Variants in CENPW observed in about 807,000 individuals in gnomAD.
CENPW encodes centromere protein W, also known as cancer-up-regulated gene 2 protein.
CENPW carries 3 observed loss-of-function variants against 11.1 expected under a neutral mutation model. The ratio of observed to expected loss-of-function variants is 0.27; its 90% CI spans 0.12 to 0.70. CENPW has a LOEUF of 0.70. Among genes scored for constraint, CENPW ranks in the 30% least tolerant of loss-of-function variants. The pLI is 0.77. For synonymous variants in CENPW, 38 were observed against 42.0 expected, an observed-to-expected ratio of 0.91 and a Z score of 0.37; for missense variants, 100 against 105.6, an observed-to-expected ratio of 0.95 and a Z score of 0.23.
the CENPW span, among the ~76,000 whole-genome samples, chr6:126,376,017 G>C: frequency 6.6e-6 from 1 of 152,096 alleles, no homozygotes; most frequent in African/African-American, 2.4e-5. Context: ...TCATAATGTA[G>C]TTGCTCATCA....
chr6:126,435,779 C>A, the CENPW span, among the ~76,000 whole-genome samples: 6 of 151,846 alleles, frequency 4.0e-5, no homozygotes, highest in African/African-American at 1.4e-4. Flanking sequence ...TGGACCACTG[C>A]CCTTCCCACA....
the CENPW span, among the ~76,000 whole-genome samples, chr6:126,400,849 T>G: frequency 1.3e-5 from 2 of 152,240 alleles, no homozygotes; most frequent in East Asian, 3.9e-4. Flanking sequence ...TTAATCTCTC[T>G]TATTACATTT....
the CENPW span, among the ~76,000 whole-genome samples, chr6:126,405,111 G>A: frequency 8.7e-4 from 132 of 151,954 alleles, no homozygotes; most frequent in African/African-American, 2.2e-3. Context: ...TCCTGTTTTC[G>A]TCAGGTAGAT....
At chr6:126,442,611 T>C in the CENPW span, among the ~76,000 whole-genome samples, 1,315 of 151,480 alleles carry the variant, frequency 8.7e-3, 9 homozygotes, top group Non-Finnish European at 0.015. Context: ...ATCTACTTCA[T>C]GAGCCTCTAA....
chr6:126,405,754 G>A, the CENPW span, among the ~76,000 whole-genome samples: 1 of 151,922 alleles, frequency 6.6e-6, no homozygotes, highest in African/African-American at 2.4e-5. Flanking sequence ...TTTTTTAGCT[G>A]TTTAAAATGG....
chr6:126,480,873 A>G, the CENPW span, among the ~76,000 whole-genome samples: 1 of 152,044 alleles, frequency 6.6e-6, no homozygotes, highest in Non-Finnish European at 1.5e-5. Flanking sequence ...GCACATTAAC[A>G]TTCAATATGT....
chr6:126,419,045 C>T, the CENPW span, among the ~76,000 whole-genome samples: 5 of 151,828 alleles, frequency 3.3e-5, no homozygotes, highest in Middle Eastern at 3.4e-3. Context: ...CAAACCTGCA[C>T]GTTGTGCACA....
chr6:126,481,294 A>T, the CENPW span, among the ~76,000 whole-genome samples: 675 of 151,898 alleles, frequency 4.4e-3, 12 homozygotes, highest in Non-Finnish European at 7.2e-3. Context: ...TTTGGGGTGC[A>T]TACTTAGAAT....
chr6:126,470,211 C>T, the CENPW span, among the ~76,000 whole-genome samples: 2 of 152,202 alleles, frequency 1.3e-5, no homozygotes, highest in Non-Finnish European at 2.9e-5. Flanking sequence ...GGCCCAGGTG[C>T]CTGCTCCTCT....
At chr6:126,384,527 A>G in the CENPW span, among the ~76,000 whole-genome samples, 2 of 152,176 alleles carry the variant, frequency 1.3e-5, no homozygotes, top group Admixed American at 6.6e-5. Flanking sequence ...GCAATGGGAA[A>G]AGCATTCCCT....
chr6:126,446,140 A>G, the CENPW span, among the ~76,000 whole-genome samples: 2 of 151,206 alleles, frequency 1.3e-5, no homozygotes, highest in Non-Finnish European at 3.0e-5. Context: ...ATTCACCTGT[A>G]AAATATAGTT....
the CENPW span, among the ~76,000 whole-genome samples, chr6:126,462,363 A>G: frequency 1.3e-5 from 2 of 152,008 alleles, no homozygotes; most frequent in East Asian, 3.9e-4. Flanking sequence ...TTTTCTCAAG[A>G]TACAGTTTAG....
the CENPW span, among the ~76,000 whole-genome samples, chr6:126,450,633 G>A: frequency 1.3e-5 from 2 of 150,620 alleles, no homozygotes; most frequent in African/African-American, 2.4e-5. Context: ...AAAATGAGAA[G>A]CAACTCATGG....
the CENPW span, among the ~76,000 whole-genome samples, chr6:126,447,820 C>A: frequency 6.6e-6 from 1 of 151,364 alleles, no homozygotes; most frequent in East Asian, 2.0e-4. Context: ...CCTTGAAGAG[C>A]TAGGCCTCCT....
chr6:126,446,922 A>G, the CENPW span, among the ~76,000 whole-genome samples: 3 of 151,110 alleles, frequency 2.0e-5, no homozygotes, highest in Non-Finnish European at 4.5e-5. Context: ...TTTTCTGTCT[A>G]TTTTGGGCTA....
the CENPW span, among the ~76,000 whole-genome samples, chr6:126,359,642 T>C: frequency 6.6e-6 from 1 of 152,180 alleles, no homozygotes; most frequent in South Asian, 2.1e-4. Context: ...TTATATCTTA[T>C]TGTTGAATTG....
At chr6:126,369,827 T>C in the CENPW span, among the ~76,000 whole-genome samples, 30 of 152,252 alleles carry the variant, frequency 2.0e-4, no homozygotes, top group Non-Finnish European at 7.3e-5. Context: ...GCTTTTGGGT[T>C]CTTTGTCATG....
At chr6:126,435,150 C>T in the CENPW span, among the ~76,000 whole-genome samples, 3 of 151,888 alleles carry the variant, frequency 2.0e-5, no homozygotes, top group Non-Finnish European at 4.4e-5. Context: ...GTAAAGCATC[C>T]ACTTCTTTGT....
the CENPW span, among the ~76,000 whole-genome samples, chr6:126,439,582 C>T: frequency 6.6e-6 from 1 of 151,640 alleles, no homozygotes; most frequent in Non-Finnish European, 1.5e-5. Flanking sequence ...TTCAGTCTAT[C>T]AATCAATTGC....
Sources: gnomAD v4.1 joint callset for allele counts (sites outside exome capture counted in the v4.1 genomes callset) on GRCh38, gnomAD v4.1.1 for gene constraint, MANE v1.5 for transcripts, NCBI Gene and HGNC (gene_info 2026-07-23, HGNC 2026-07-21) for gene names.